The following FBXL18 variants were observed in gnomAD, a reference collection of about 807,000 sequenced individuals.
FBXL18 encodes F-box/LRR-repeat protein 18.
In FBXL18, 36 loss-of-function variants were observed where a neutral mutation model predicts 46.0. The observed-to-expected ratio is 0.78, with a 90% CI of 0.60 to 1.03. The LOEUF (loss-of-function observed/expected upper bound fraction) is 1.03, where lower values mean the gene tolerates loss of function less well. Among genes scored for constraint, FBXL18 ranks in the 50% least tolerant of loss-of-function variants. The probability of loss-of-function intolerance (pLI) is 0.00; values close to 1 mark genes in which losing one functional copy is unlikely to be tolerated. For synonymous variants in FBXL18, 557 were observed against 465.3 expected, an observed-to-expected ratio of 1.20 and a Z score of -2.54; for missense variants, 977 against 1,004.1, an observed-to-expected ratio of 0.97 and a Z score of 0.36.
intron 4 of FBXL18, among the ~76,000 whole-genome samples, chr7:5,488,740 G>A (rs376364587): frequency 6.6e-5 from 10 of 152,218 alleles, no homozygotes; most frequent in African/African-American, 9.6e-5. Context: ...GCGAAGGCCC[G>A]AGGCTCTTCC....
At chr7:5,483,146 A>C (rs1476199604) in intron 4 of FBXL18, among the ~76,000 whole-genome samples, 2 of 152,096 alleles carry the variant, frequency 1.3e-5, no homozygotes, top group African/African-American at 4.8e-5. Context: ...AGAGAGGAAG[A>C]CAAAAACATC....
rs1003256319 is a variant in FBXL18, at chr7:5,479,269, G to C, written c.*2506C>G. The C allele has an allele frequency of 2.0e-5, 3 of 152,184 alleles. No individual in the cohort carries two copies. The highest frequency in any genetic ancestry group is 4.8e-5 in the African/African-American group (2 of 41,434). The allele number at this position is 152,184 out of a possible 1,614,324, so 9.4% of individuals were successfully genotyped here. On this transcript the variant is annotated 3_prime_UTR_variant, in exon 5 of 5. Coordinates refer to ENST00000382368, the MANE Select transcript of FBXL18 (RefSeq NM_024963.6). ...GCTGGTTAAAACCGCTTGCTCATGA[G>C]AACAGGACACCCAGGCGCGATCGTA...
chr7:5,460,341 A>C (rs1562670369), intron 4 of FBXL18, among the ~76,000 whole-genome samples: 1 of 152,236 alleles, frequency 6.6e-6, no homozygotes, highest in Non-Finnish European at 1.5e-5. Context: ...TAATATAATC[A>C]TGAAACACTC....
At chr7:5,508,208 G>A (rs553897685) in intron 1 of FBXL18, among the ~76,000 whole-genome samples, 1 of 151,794 alleles carries the variant, frequency 6.6e-6, no homozygotes, top group African/African-American at 2.4e-5. Context: ...GGAGGTTGCA[G>A]TGAGCTGAGA....
Position 5,480,413 on chromosome 7 carries a change from C to A in FBXL18, c.*1362G>T, listed in dbSNP as rs937986941. The A allele has an allele frequency of 6.6e-6, 1 of 151,970 alleles. No homozygotes were observed. The highest frequency in any genetic ancestry group is 1.5e-5 in the Non-Finnish European group (1 of 68,016). The allele number at this position is 151,970 out of a possible 1,614,324, so 9.4% of individuals were successfully genotyped here. Reference sequence around the variant, plus strand: ...GACTCAGATGCCAGGAGGATGTCCTCATTTTTGGAATAACTTTGTTTTTTT... The same window carrying A: ...GACTCAGATGCCAGGAGGATGTCCTAATTTTTGGAATAACTTTGTTTTTTT... On this transcript the variant is annotated 3_prime_UTR_variant, in exon 5 of 5. Coordinates refer to ENST00000382368, the MANE Select transcript of FBXL18 (RefSeq NM_024963.6).
intron 4 of FBXL18, among the ~76,000 whole-genome samples, chr7:5,461,621 C>A (rs1460381177): frequency 6.6e-6 from 1 of 151,968 alleles, no homozygotes; most frequent in Non-Finnish European, 1.5e-5. Flanking sequence ...CTGGCCTGGG[C>A]AACAGAGCAA....
chr7:5,460,086 C>A (rs1422088892), intron 4 of FBXL18, among the ~76,000 whole-genome samples: 1 of 151,734 alleles, frequency 6.6e-6, no homozygotes, highest in Non-Finnish European at 1.5e-5. Flanking sequence ...ATAGTGAGAC[C>A]CCATCTCTAC....
Position 5,505,285 on chromosome 7 carries a change from G to A in FBXL18, c.237+127C>T, listed in dbSNP as rs183676691. ...TCCCTCAATGCATCCTGCAGACGGC[G>A]CCAGTCAGGACTTGGAGTTCCTGCC... is the stretch of plus-strand genomic sequence containing the variant. On this transcript the variant is annotated intron_variant, in intron 2 of 4. Transcript: ENST00000382368. The A allele has an allele frequency of 1.8e-3, 1,535 of 837,334 alleles. 8 individuals are homozygous for A. Among genetic ancestry groups the A allele is most frequent in the South Asian group, 4.7e-3 (277 of 58,660 alleles). The allele number at this position is 837,334 out of a possible 1,614,324, so 51.9% of individuals were successfully genotyped here. A position where few individuals can be genotyped will look rare whatever the true frequency, so the allele number is the denominator to read the frequency against.
Position 5,501,196 on chromosome 7 carries a change from G to C in FBXL18, c.1073C>G (p.Ser358Cys). ...LNLSGCVHCL[S>C]PDSLLRKAED... ...CGCCTTGCGGAGCAGCGAGTCTGGGGACAGGCAGTGGACGCAGCCGCTGAG... is the reference window on the plus strand; with the variant it reads ...CGCCTTGCGGAGCAGCGAGTCTGGGCACAGGCAGTGGACGCAGCCGCTGAG... Residue 358 changes from serine to cysteine, a missense_variant, in exon 3 of 5, where the codon TCC becomes TGC. Coordinates refer to ENST00000382368, the MANE Select transcript of FBXL18 (RefSeq NM_024963.6). 1 of 1,613,374 alleles carries C rather than the reference G, an allele frequency of 6.2e-7. No individual in the cohort carries two copies. Among genetic ancestry groups the C allele is most frequent in the South Asian group, 1.1e-5 (1 of 91,054 alleles).
In FBXL18 at chr7:5,491,392, G is replaced by A. The variant is rs1445519644; in HGVS notation, c.1839C>T (p.Cys613=). ...CCAGGCACAGGCGCTGCAGCGAGGG[G>A]CACTGGCTCAGCGCCTGGAAGAACT... ...NAQFFQALSQ[C]PSLQRLCLVS... The change falls in exon 4 of 5, where the codon TGC becomes TGT. Residue 613 remains cysteine (C), a synonymous_variant. Transcript: ENST00000382368. 2.5e-6 allele frequency: 4 copies of A among 1,606,640 alleles called. No homozygotes were observed. The highest frequency in any genetic ancestry group is 3.4e-6 in the Non-Finnish European group (4 of 1,177,818).
intron 4 of FBXL18, among the ~76,000 whole-genome samples, chr7:5,490,517 T>G (rs954524865): frequency 2.0e-5 from 3 of 152,190 alleles, no homozygotes; most frequent in Non-Finnish European, 4.4e-5. Context: ...GGCCAGACTA[T>G]GTGGGCCTTC....
rs140622454 is a variant in FBXL18, at chr7:5,462,439, A to G, written c.2001-14596T>C. Among the ~76,000 whole-genome samples the G allele has an allele frequency of 1.4e-3, 218 of 152,294 alleles. 1 individual carries two copies. Among genetic ancestry groups the G allele is most frequent in the African/African-American group, 5.0e-3 (206 of 41,570 alleles). ...GTTGGCACGCATTTCCTTTTTACAT[A>G]AAATTACATAAAACAGAATCAGTCA... On this transcript the variant is annotated intron_variant and NMD_transcript_variant, in intron 4 of 6. Transcript: ENST00000415009.
chr7:5,497,512 C>T (rs1024479608), intron 3 of FBXL18, among the ~76,000 whole-genome samples: 6 of 152,172 alleles, frequency 3.9e-5, no homozygotes, highest in African/African-American at 1.4e-4. Flanking sequence ...CAACCCAACA[C>T]TAACAGGTCT....
At chr7:5,474,978 G>A (rs912061715), downstream of FBXL18, among the ~76,000 whole-genome samples, 4 of 148,574 alleles carry the variant, frequency 2.7e-5, no homozygotes, top group African/African-American at 9.8e-5. Context: ...AAAGTGCTGG[G>A]ATGACAGGCG....
chr7:5,508,934 T>C (rs1784460175), intron 1 of FBXL18, among the ~76,000 whole-genome samples: 1 of 152,112 alleles, frequency 6.6e-6, no homozygotes, highest in African/African-American at 2.4e-5. Context: ...TGCTCACGCC[T>C]GTAAAACCAG....
intron 4 of FBXL18, among the ~76,000 whole-genome samples, chr7:5,465,652 C>CA (rs1448496536): frequency 6.6e-6 from 1 of 151,622 alleles, no homozygotes; most frequent in Non-Finnish European, 1.5e-5. Context: ...TAAAAATAAA[C>CA]AAAAATAAAA....
At chr7:5,475,093 T>C (rs997727080), downstream of FBXL18, among the ~76,000 whole-genome samples, 6 of 148,374 alleles carry the variant, frequency 4.0e-5, no homozygotes, top group Admixed American at 6.7e-5. The surrounding 1 kb of genome is among the most constrained non-coding windows in gnomAD (Gnocchi z 4.2). Flanking sequence ...CCGAGGCGGG[T>C]GGATCACTTG....
In FBXL18 at chr7:5,481,932, C is replaced by G; in HGVS notation, c.2001-1G>C. 3 of 1,600,856 alleles carry G rather than the reference C, an allele frequency of 1.9e-6. No individual in the cohort carries two copies. The highest frequency in any genetic ancestry group is 2.6e-6 in the Non-Finnish European group (3 of 1,172,622). ...TAACGCGGGCCGCTCGGCCTGGAAG[C>G]TGAACCAGAGACAGGCGGTCAGCGG... is the stretch of plus-strand genomic sequence containing the variant. On this transcript the variant is annotated splice_acceptor_variant, in intron 4 of 4. Transcript: ENST00000382368. LOFTEE classifies it high-confidence loss of function.
At chr7:5,467,147 C>T (rs62441006) in intron 4 of FBXL18, among the ~76,000 whole-genome samples, 59 of 152,050 alleles carry the variant, frequency 3.9e-4, no homozygotes, top group African/African-American at 1.3e-3. Flanking sequence ...TTCAGGAGAT[C>T]GAGACCATCC....
Sources: allele counts gnomAD v4.1 joint callset (sites outside exome capture counted in the v4.1 genomes callset), GRCh38; gene constraint gnomAD v4.1.1; non-coding constraint Gnocchi (gnomAD v3.1); transcripts MANE v1.5; gene names NCBI Gene and HGNC (gene_info 2026-07-23, HGNC 2026-07-21).